Variants in SEMA3A observed in about 807,000 individuals in gnomAD.
The protein encoded by SEMA3A is semaphorin-3A.
Under a neutral mutation model 97.9 loss-of-function variants are expected in SEMA3A, and 29 were observed. That is an observed-to-expected ratio of 0.30 (90% CI 0.22 to 0.40). SEMA3A has a LOEUF of 0.40. Among genes scored for constraint, SEMA3A ranks in the 10% least tolerant of loss-of-function variants. The probability of loss-of-function intolerance (pLI) is 1.00; values close to 1 mark genes in which losing one functional copy is unlikely to be tolerated. For synonymous variants in SEMA3A, 321 were observed against 323.7 expected (o/e 0.99, Z 0.09); for missense variants, 763 against 951.3 (o/e 0.80, Z 2.60).
At chr7:84,307,996 G>GA (rs1006341387) in intron 2 of SEMA3A, among the ~76,000 whole-genome samples, 3 of 151,030 alleles carry the variant, frequency 2.0e-5, no homozygotes, top group Non-Finnish European at 3.0e-5. Flanking sequence ...TAATATATTT[G>GA]AAAAAAAAGT....
intron 1 of SEMA3A, among the ~76,000 whole-genome samples, chr7:84,473,260 T>C (rs1329462697): frequency 6.6e-6 from 1 of 151,540 alleles, no homozygotes; most frequent in Non-Finnish European, 1.5e-5. Context: ...TTAGTCACTT[T>C]TTTATTCTCT....
intron 1 of SEMA3A, among the ~76,000 whole-genome samples, chr7:84,469,983 TA>T: frequency 6.6e-6 from 1 of 151,838 alleles, no homozygotes; most frequent in East Asian, 1.9e-4. Context: ...TTTTAATTGT[TA>T]ATGAAATAAA....
chr7:84,205,244 C>T (rs1350629883), intron 3 of SEMA3A, among the ~76,000 whole-genome samples: 1 of 152,174 alleles, frequency 6.6e-6, no homozygotes, highest in Non-Finnish European at 1.5e-5. Context: ...AGGTCAATAG[C>T]ACTCTTTACT....
At chr7:84,323,144 A>C (rs978795734) in intron 2 of SEMA3A, among the ~76,000 whole-genome samples, 1 of 152,216 alleles carries the variant, frequency 6.6e-6, no homozygotes, top group Non-Finnish European at 1.5e-5. Context: ...AATGCTCCAT[A>C]AGTATTAACA....
rs771319459 is a variant in SEMA3A at position 84,227,891 on chromosome 7, C to CTG, written c.-82-33225_-82-33224dup. 7.8e-4 allele frequency among the ~76,000 whole-genome samples: 117 copies of CTG among 149,444 alleles called. 2 individuals are homozygous for CTG. The highest frequency in any genetic ancestry group is 1.6e-3 in the African/African-American group (66 of 40,830). On this transcript the variant is annotated intron_variant, in intron 3 of 3. Transcript: ENST00000424555. ...TAGATGATGTAAATGATGTAAGTCTCTGTGTGTGTGTGTGTGCGTGCGTGT... is the reference window on the plus strand; with the variant it reads ...TAGATGATGTAAATGATGTAAGTCTCTGTGTGTGTGTGTGTGTGCGTGCGTGT...
intron 2 of SEMA3A, among the ~76,000 whole-genome samples, chr7:84,352,274 C>A (rs371742651): frequency 6.6e-6 from 1 of 151,772 alleles, no homozygotes; most frequent in Admixed American, 6.6e-5. Context: ...TTAATTGGTA[C>A]ACAAATATAG....
chr7:84,001,467 C>T (rs1030608772), intron 12 of SEMA3A, among the ~76,000 whole-genome samples: 5 of 152,030 alleles, frequency 3.3e-5, no homozygotes, highest in Non-Finnish European at 7.4e-5. Context: ...ATACAAACCT[C>T]TCAAATTTTT....
chr7:84,023,875 G>A (rs1791429550), intron 6 of SEMA3A, among the ~76,000 whole-genome samples: 1 of 152,036 alleles, frequency 6.6e-6, no homozygotes, highest in South Asian at 2.1e-4. Flanking sequence ...AGCCGGGTGT[G>A]GTGGCGGGTA....
chr7:84,474,968 A>T lies in SEMA3A; in HGVS notation c.-246+17492T>A, dbSNP rs530023692. Reference sequence around the variant, plus strand: ...GAGAAAACTATTTAAACGCCTAAGAAAAGAGAAGGAAATAGGATGAAGAAA... The same window carrying T: ...GAGAAAACTATTTAAACGCCTAAGATAAGAGAAGGAAATAGGATGAAGAAA... On this transcript the variant is annotated intron_variant, in intron 1 of 3. Coordinates refer to the SEMA3A transcript ENST00000424555. Among the ~76,000 whole-genome samples the T allele has an allele frequency of 3.9e-5, 6 of 152,282 alleles. No homozygotes were observed. The East Asian group carries it at 1.2e-3, about 29-fold the overall frequency.
chr7:84,323,611 A>T (rs937187362), intron 2 of SEMA3A, among the ~76,000 whole-genome samples: 17 of 147,620 alleles, frequency 1.2e-4, no homozygotes, highest in Non-Finnish European at 7.4e-5. Context: ...GTATAAAATT[A>T]AAAAAAAATG....
At chr7:84,462,427 G>A (rs998128013) in intron 1 of SEMA3A, among the ~76,000 whole-genome samples, 1 of 152,146 alleles carries the variant, frequency 6.6e-6, no homozygotes, top group Admixed American at 6.5e-5. Flanking sequence ...AAGCCAACAT[G>A]TTCTTGAAAG....
At chr7:84,201,968 T>G (rs929275) in intron 3 of SEMA3A, among the ~76,000 whole-genome samples, 97,502 of 151,974 alleles carry the variant, frequency 0.64, 31,521 homozygotes, top group East Asian at 0.76. Context: ...AACGATGTTC[T>G]CCCAATGCAA....
chr7:84,239,028 T>C (rs1040320052), intron 3 of SEMA3A, among the ~76,000 whole-genome samples: 1 of 152,046 alleles, frequency 6.6e-6, no homozygotes, highest in Non-Finnish European at 1.5e-5. Flanking sequence ...AAAACTACAA[T>C]GATTTAAAGC....
chr7:84,280,781 A>T (rs891108810), intron 3 of SEMA3A, among the ~76,000 whole-genome samples: 10 of 152,254 alleles, frequency 6.6e-5, no homozygotes, highest in East Asian at 1.9e-4. Context: ...TCGGTGTCAA[A>T]AAATAAATAA....
chr7:84,157,954 T>A (rs1471389419), intron 1 of SEMA3A, among the ~76,000 whole-genome samples: 1 of 152,120 alleles, frequency 6.6e-6, no homozygotes, highest in East Asian at 1.9e-4. Context: ...AACATTTAAA[T>A]GTTCCTCAAG....
intron 1 of SEMA3A, among the ~76,000 whole-genome samples, chr7:84,169,771 T>C (rs1399494073): frequency 6.6e-6 from 1 of 151,582 alleles, no homozygotes; most frequent in African/African-American, 2.4e-5. Context: ...TGCAATGAGA[T>C]TAACTTATTA....
chr7:84,226,398 C>T, intron 3 of SEMA3A, among the ~76,000 whole-genome samples: 1 of 152,170 alleles, frequency 6.6e-6, no homozygotes, highest in East Asian at 1.9e-4. Context: ...CCCAGACTTT[C>T]AAGTGTTATG....
At chr7:84,054,440 C>A (rs2115646309) in intron 5 of SEMA3A, among the ~76,000 whole-genome samples, 1 of 152,152 alleles carries the variant, frequency 6.6e-6, no homozygotes, top group Admixed American at 6.5e-5. Context: ...CTAAACTTCC[C>A]TTCTCGCTTC....
At chr7:83,962,202 G>T (rs1438200295) in intron 16 of SEMA3A, among the ~76,000 whole-genome samples, 1 of 152,004 alleles carries the variant, frequency 6.6e-6, no homozygotes, top group Non-Finnish European at 1.5e-5. Flanking sequence ...ATACTAGAAA[G>T]ATACGGGGCA....
Sources: gnomAD v4.1 joint callset for allele counts (sites outside exome capture counted in the v4.1 genomes callset) on GRCh38, gnomAD v4.1.1 for gene constraint, MANE v1.5 for transcripts, NCBI Gene and HGNC (gene_info 2026-07-23, HGNC 2026-07-21) for gene names.